PDE7B: variants seen among roughly 807,000 people sequenced by gnomAD.
PDE7B encodes the protein 3',5'-cyclic-AMP phosphodiesterase 7B.
A neutral mutation model predicts 56.2 loss-of-function variants in PDE7B; 29 were observed. The ratio of observed to expected loss-of-function variants is 0.52; its 90% CI spans 0.38 to 0.70. PDE7B has a LOEUF of 0.70. Ranked by LOEUF, PDE7B falls within the 30% of genes least tolerant of loss-of-function variation. The probability of loss-of-function intolerance (pLI) is 0.00; values close to 1 mark genes in which losing one functional copy is unlikely to be tolerated. For synonymous variants in PDE7B, 197 were observed against 196.9 expected (o/e 1.00, Z 0.00); for missense variants, 490 against 565.0 (o/e 0.87, Z 1.35).
intron 2 of PDE7B, among the ~76,000 whole-genome samples, chr6:135,964,957 C>G (rs533906172): frequency 1.3e-5 from 2 of 152,210 alleles, no homozygotes; most frequent in Non-Finnish European, 2.9e-5. Context: ...GCCTGGCCAA[C>G]ATGGCAAAAC....
chr6:136,066,683 T>A (rs981816390), intron 2 of PDE7B, among the ~76,000 whole-genome samples: 6 of 152,100 alleles, frequency 3.9e-5, no homozygotes, highest in Admixed American at 6.6e-5. Flanking sequence ...ACACAAAGTC[T>A]CATGATAAAT....
At chr6:135,901,666 T>C (rs958295976) in intron 1 of PDE7B, among the ~76,000 whole-genome samples, 1 of 152,162 alleles carries the variant, frequency 6.6e-6, no homozygotes, top group African/African-American at 2.4e-5. Flanking sequence ...AGGGAGCAGC[T>C]GTATGCAGAA....
intron 2 of PDE7B, among the ~76,000 whole-genome samples, chr6:135,955,929 C>T (rs1437821562): frequency 6.6e-6 from 1 of 152,134 alleles, no homozygotes; most frequent in Non-Finnish European, 1.5e-5. Context: ...ATTTTAGACA[C>T]AGTAAATCTG....
At chr6:135,980,167 C>A (rs200737337) in intron 2 of PDE7B, among the ~76,000 whole-genome samples, 4 of 150,446 alleles carry the variant, frequency 2.7e-5, no homozygotes, top group African/African-American at 4.9e-5. Flanking sequence ...CTTTGACAAA[C>A]CTGAGAAAAA....
chr6:136,154,173 A>C lies in PDE7B; in HGVS notation c.577A>C (p.Lys193Gln). 6.2e-7 allele frequency: 1 copy of C among 1,606,344 alleles called. No homozygotes were observed. The highest frequency in any genetic ancestry group is 1.1e-5 in the South Asian group (1 of 90,816). The change falls in exon 7 of 13, where the codon AAG becomes CAG. Residue 193 changes from lysine (K) to glutamine (Q), a missense_variant and splice_region_variant. By Grantham distance (53) the Lys-to-Gln change is moderately conservative (BLOSUM62 1). Coordinates refer to ENST00000308191, the MANE Select transcript of PDE7B (RefSeq NM_018945.4). Reference sequence around the variant, plus strand: ...CATGCACTGCTACCTGAAAGAGCCAAAGGTAAGACAAGACCCAGCTGCCTC... The same window carrying C: ...CATGCACTGCTACCTGAAAGAGCCACAGGTAAGACAAGACCCAGCTGCCTC... ...QAMHCYLKEPKLASFLTPLDI... is the reference protein window; with the variant it reads ...QAMHCYLKEPQLASFLTPLDI...
intron 2 of PDE7B, among the ~76,000 whole-genome samples, chr6:136,019,535 T>C (rs1047994080): frequency 6.6e-6 from 1 of 152,090 alleles, no homozygotes; most frequent in Admixed American, 6.6e-5. Context: ...TACTCCATGG[T>C]TTGAAATATT....
At chr6:135,857,024 T>TCCTCCTTCCCTCCCTCCCTC (rs1283652988) in intron 1 of PDE7B, among the ~76,000 whole-genome samples, 1 of 127,502 alleles carries the variant, frequency 7.8e-6, no homozygotes. Flanking sequence ...TTACTCCTTT[T>TCCTCCTTCCCTCCCTCCCTC]CCTCCCTCCC....
intron 1 of PDE7B, among the ~76,000 whole-genome samples, chr6:135,940,212 A>G (rs1326503653): frequency 1.3e-5 from 2 of 152,170 alleles, no homozygotes; most frequent in Admixed American, 6.5e-5. Context: ...ACCTATGCCT[A>G]GAGGAGTCCT....
chr6:135,944,244 A>G (rs1026234463), intron 1 of PDE7B, among the ~76,000 whole-genome samples: 1 of 152,146 alleles, frequency 6.6e-6, no homozygotes, highest in Non-Finnish European at 1.5e-5. Context: ...ACGTTCCCCC[A>G]GGACAGATCC....
chr6:136,099,546 A>C (rs942254139), intron 2 of PDE7B, among the ~76,000 whole-genome samples: 1 of 152,090 alleles, frequency 6.6e-6, no homozygotes, highest in African/African-American at 2.4e-5. Flanking sequence ...GCATTTTTTC[A>C]TATGTCTGTT....
At chr6:135,945,046 T>C (rs1271564923) in intron 1 of PDE7B, among the ~76,000 whole-genome samples, 7 of 148,056 alleles carry the variant, frequency 4.7e-5, no homozygotes, top group African/African-American at 1.7e-4. Context: ...TGATCCTTCA[T>C]TTAAAAATAT....
chr6:136,154,280 T>C (rs1430666243), intron 7 of PDE7B, 105 bp downstream of exon 7: 3 of 632,240 alleles, frequency 4.7e-6, no homozygotes, highest in African/African-American at 1.8e-5. Flanking sequence ...TTATGTGTCA[T>C]TAACAATGTG....
chr6:136,161,475 G>A (rs562381202), intron 8 of PDE7B, among the ~76,000 whole-genome samples: 1 of 152,298 alleles, frequency 6.6e-6, no homozygotes, highest in Non-Finnish European at 1.5e-5. Flanking sequence ...CATGCAGAAG[G>A]AGTAGCAATG....
At chr6:135,958,005 G>A (rs979763697) in intron 2 of PDE7B, among the ~76,000 whole-genome samples, 1 of 152,136 alleles carries the variant, frequency 6.6e-6, no homozygotes, top group African/African-American at 2.4e-5. Context: ...GCCGAGGTGG[G>A]CGGATACCCT....
At chr6:136,063,635 T>G (rs998058192) in intron 2 of PDE7B, among the ~76,000 whole-genome samples, 1 of 152,172 alleles carries the variant, frequency 6.6e-6, no homozygotes, top group African/African-American at 2.4e-5. Flanking sequence ...CCAGCTAACT[T>G]AGCATCCAGG....
chr6:136,167,935 G>A (rs570944159), intron 8 of PDE7B, among the ~76,000 whole-genome samples: 4 of 152,114 alleles, frequency 2.6e-5, no homozygotes, highest in Admixed American at 6.6e-5. Context: ...CAGGACTTCC[G>A]GAATGCCAGA....
intron 3 of PDE7B, among the ~76,000 whole-genome samples, chr6:136,140,210 G>C (rs1024597994): frequency 7.2e-5 from 11 of 152,126 alleles, no homozygotes; most frequent in East Asian, 1.9e-4. Context: ...TTTCCCAGTA[G>C]CATTTATTAA....
At chr6:136,139,918 GT>G (rs1214063082) in intron 3 of PDE7B, among the ~76,000 whole-genome samples, 3 of 152,106 alleles carry the variant, frequency 2.0e-5, no homozygotes, top group African/African-American at 7.2e-5. Context: ...CATTCTGTAG[GT>G]TGCCTGTTCA....
In PDE7B at chr6:135,879,532, G is replaced by GT. The variant is rs202011776; in HGVS notation, c.21+27523dup. Among the ~76,000 whole-genome samples the GT allele has an allele frequency of 1.5e-3, 219 of 149,342 alleles. 3 individuals are homozygous for GT. Among genetic ancestry groups the GT allele is most frequent in the East Asian group, 6.8e-3 (35 of 5,140 alleles). On this transcript the variant is annotated intron_variant, in intron 1 of 12. Coordinates refer to ENST00000308191, the MANE Select transcript of PDE7B (RefSeq NM_018945.4). ...TACTCTGCAGGACCTACAAAAAGTG[G>GT]TTTTTTTTTTCTTAAGAGTACTTTT...
Sources: gnomAD v4.1 joint callset for allele counts (sites outside exome capture counted in the v4.1 genomes callset) on GRCh38, gnomAD v4.1.1 for gene constraint, MANE v1.5 for transcripts, NCBI Gene and HGNC (gene_info 2026-07-23, HGNC 2026-07-21) for gene names.